The following CDA variants were observed in gnomAD, a reference collection of about 807,000 sequenced individuals.
The protein encoded by CDA is cytidine aminohydrolase.
Under a neutral mutation model 15.0 loss-of-function variants are expected in CDA, and 7 were observed. The ratio of observed to expected loss-of-function variants is 0.47; its 90% CI spans 0.26 to 0.87. The LOEUF (loss-of-function observed/expected upper bound fraction) is 0.87. Among genes scored for constraint, CDA ranks in the 40% least tolerant of loss-of-function variants. The pLI is 0.15. For missense variants in CDA, 159 were observed against 182.7 expected (o/e 0.87, Z 0.75); for synonymous variants, 58 against 73.0 (o/e 0.79, Z 1.05).
chr1:20,616,141 G>A (rs1037956413), intron 3 of CDA, among the ~76,000 whole-genome samples: 3 of 152,166 alleles, frequency 2.0e-5, no homozygotes, highest in African/African-American at 7.2e-5. Context: ...CCTGCCAGGC[G>A]GTGACATATG....
intron 1 of CDA, among the ~76,000 whole-genome samples, chr1:20,603,114 G>A (rs1427347990): frequency 6.6e-6 from 1 of 152,162 alleles, no homozygotes; most frequent in Non-Finnish European, 1.5e-5. Flanking sequence ...GTCACCATCT[G>A]GCCATCTTGC....
At position 20,606,165 on chromosome 1, in the gene CDA, G is replaced by A. The variant is rs1243784701; in HGVS notation, c.266+1126G>A. ...TTCCCTGTCACCGAGGTGTGTCCTG[G>A]CTTCCTTAAGGCTTCCGGAGGAATA... On this transcript the variant is annotated intron_variant, in intron 2 of 3. Transcript: ENST00000375071. Among the ~76,000 whole-genome samples the A allele has an allele frequency of 1.7e-5, 2 of 114,918 alleles. 1 individual carries two copies. The highest frequency in any genetic ancestry group is 6.1e-5 in the African/African-American group (2 of 32,780). 75.4% of individuals were successfully genotyped at this position (114,918 alleles called of 152,430 possible).
rs372105846 is a variant in CDA, at chr1:20,601,636, C to T, written c.155-3292C>T. On this transcript the variant is annotated intron_variant, in intron 1 of 3. Transcript: ENST00000375071. The stretch of plus-strand genomic sequence containing the variant: ...GCACCCAGTAGTGTCTAATGACATC[C>T]GTCAACTCTGGACATGAATGCCTGC... 7.2e-5 allele frequency among the ~76,000 whole-genome samples: 11 copies of T among 152,160 alleles called. No homozygotes were observed. In the East Asian group the frequency reaches 7.7e-4, roughly 11 times the overall value.
chr1:20,589,418 T>A, intron 1 of CDA, 135 bp downstream of exon 1: 1 of 871,824 alleles, frequency 1.1e-6, no homozygotes, highest in Non-Finnish European at 1.8e-6. Context: ...CAGTCTCCGC[T>A]GGAATGTTCC....
chr1:20,591,009 A>T (rs4259612), intron 1 of CDA, among the ~76,000 whole-genome samples: 14,747 of 151,974 alleles, frequency 0.097, 766 homozygotes, highest in African/African-American at 0.11. Context: ...GAGCCAGGGG[A>T]CCCCCATGCC....
intron 1 of CDA, among the ~76,000 whole-genome samples, chr1:20,594,432 GA>G (rs200034728): frequency 5.5e-4 from 82 of 148,258 alleles, no homozygotes; most frequent in Middle Eastern, 6.8e-3. Context: ...GCTGCTAAGG[GA>G]AAAAAAAAAG....
In CDA at chr1:20,618,706, A is replaced by T. The variant is rs915878491; in HGVS notation, c.*138A>T. On this transcript the variant is annotated 3_prime_UTR_variant, in exon 4 of 4. Coordinates refer to ENST00000375071, the MANE Select transcript of CDA (RefSeq NM_001785.3). ...AGATGATGTTTCCAGATTACACTCCAGCCTGAGTCAGCACCCCTCCTAGCA... is the reference window on the plus strand; with the variant it reads ...AGATGATGTTTCCAGATTACACTCCTGCCTGAGTCAGCACCCCTCCTAGCA... 1.4e-6 allele frequency: 1 copy of T among 693,476 alleles called. No individual in the cohort carries two copies. The allele number at this position is 693,476 out of a possible 1,614,324, so 43.0% of individuals were successfully genotyped here.
At chr1:20,609,961 T>C (rs562729946) in intron 2 of CDA, among the ~76,000 whole-genome samples, 154 of 152,212 alleles carry the variant, frequency 1.0e-3, no homozygotes, top group Non-Finnish European at 1.8e-3. Context: ...ATGTAAAAGG[T>C]AGTAATGGTG....
chr1:20,614,997 G>A lies in CDA; in HGVS notation c.324+1098G>A, dbSNP rs2052788582. 3.3e-5 allele frequency among the ~76,000 whole-genome samples: 5 copies of A among 152,174 alleles called. 1 individual carries two copies. The South Asian group carries it at 1.0e-3, about 32-fold the overall frequency. The stretch of plus-strand genomic sequence containing the variant: ...CTGCCTCAGCCTCCCGAGTAGCTGG[G>A]ACTACAGGCGCCAGCTACCATGCCC... On this transcript the variant is annotated intron_variant, in intron 3 of 3. Coordinates refer to ENST00000375071, the MANE Select transcript of CDA (RefSeq NM_001785.3).
At chr1:20,615,715 C>T (rs1355189971) in intron 3 of CDA, among the ~76,000 whole-genome samples, 1 of 151,954 alleles carries the variant, frequency 6.6e-6, no homozygotes, top group African/African-American at 2.4e-5. Flanking sequence ...CGAAATACGG[C>T]ATCTTGTGGG....
intron 1 of CDA, among the ~76,000 whole-genome samples, chr1:20,598,416 G>A (rs189890961): frequency 8.5e-4 from 129 of 152,344 alleles, no homozygotes; most frequent in African/African-American, 2.9e-3. Context: ...GGACTTCCAA[G>A]CCTTCAGAAT....
In CDA at chr1:20,613,860, T is replaced by C. The variant is rs370224651; in HGVS notation, c.285T>C (p.Phe95=). 30 of 1,613,978 alleles carry C rather than the reference T, an allele frequency of 1.9e-5. No homozygotes were observed. Among genetic ancestry groups the C allele is most frequent in the Non-Finnish European group, 2.5e-5 (29 of 1,179,958 alleles). The change falls in exon 3 of 4, where the codon TTT becomes TTC. Residue 95 remains phenylalanine, a synonymous_variant. Transcript: ENST00000375071. ...IAIASDMQDD[F]ISPCGACRQV... The stretch of plus-strand genomic sequence containing the variant: ...TCCCCAGTGACATGCAAGATGATTT[T>C]ATCTCTCCATGTGGGGCCTGCAGGC...
At chr1:20,612,119 T>C (rs2052757973) in intron 2 of CDA, among the ~76,000 whole-genome samples, 1 of 152,176 alleles carries the variant, frequency 6.6e-6, no homozygotes, top group Non-Finnish European at 1.5e-5. Flanking sequence ...CGCCTCAGCC[T>C]CCCAAAGTGC....
At chr1:20,597,764 G>A (rs1157796917) in intron 1 of CDA, among the ~76,000 whole-genome samples, 1 of 152,148 alleles carries the variant, frequency 6.6e-6, no homozygotes. Flanking sequence ...AAAGGCAATA[G>A]CAGAAACAGA....
intron 2 of CDA, among the ~76,000 whole-genome samples, chr1:20,611,967 A>T (rs1324768215): frequency 6.6e-6 from 1 of 151,914 alleles, no homozygotes; most frequent in Non-Finnish European, 1.5e-5. Context: ...GGCTCGAGTG[A>T]TCCTCCCACC....
intron 2 of CDA, among the ~76,000 whole-genome samples, chr1:20,612,605 C>T (rs554552315): frequency 1.1e-4 from 17 of 152,146 alleles, no homozygotes; most frequent in Non-Finnish European, 2.5e-4. Context: ...CCTTTGCTGA[C>T]TCTCTTTGCA....
chr1:20,616,814 C>G (rs983635726), intron 3 of CDA, among the ~76,000 whole-genome samples: 9 of 152,126 alleles, frequency 5.9e-5, no homozygotes, highest in Non-Finnish European at 8.8e-5. Context: ...CACAGCCTGT[C>G]AAGCAGAAAA....
At chr1:20,591,850 T>G (rs1292989968) in intron 1 of CDA, among the ~76,000 whole-genome samples, 2 of 76,698 alleles carry the variant, frequency 2.6e-5, no homozygotes, top group East Asian at 8.1e-4. Flanking sequence ...TTTTTTTTTG[T>G]TTTTTTTTTT....
At chr1:20,594,022 A>C (rs1312592215) in intron 1 of CDA, among the ~76,000 whole-genome samples, 1 of 152,234 alleles carries the variant, frequency 6.6e-6, no homozygotes, top group Non-Finnish European at 1.5e-5. Flanking sequence ...AGAGCTGATC[A>C]GGAGGCAGAA....
Sources: allele counts gnomAD v4.1 joint callset (sites outside exome capture counted in the v4.1 genomes callset), GRCh38; gene constraint gnomAD v4.1.1; transcripts MANE v1.5; gene names NCBI Gene and HGNC (gene_info 2026-07-23, HGNC 2026-07-21).